Variants in POLDIP3 observed in about 807,000 individuals in gnomAD.
POLDIP3 encodes the protein DNA polymerase delta interacting protein 3, also known as polymerase delta-interacting protein 3.
Under a neutral mutation model 45.1 loss-of-function variants are expected in POLDIP3, and 14 were observed. The observed-to-expected ratio is 0.31, with a 90% CI of 0.20 to 0.49. POLDIP3 has a LOEUF of 0.49. Ranked by LOEUF, POLDIP3 falls within the 20% of genes least tolerant of loss-of-function variation. The pLI, the probability that POLDIP3 is intolerant of heterozygous loss-of-function variation, is 0.99. For synonymous variants in POLDIP3, 223 were observed against 205.2 expected (o/e 1.09, Z -0.74); for missense variants, 511 against 538.8 (o/e 0.95, Z 0.51).
chr22:42,614,825 C>G lies in POLDIP3; in HGVS notation c.33G>C (p.Arg11Ser). 6.2e-7 allele frequency: 1 copy of G among 1,614,108 alleles called. No individual in the cohort carries two copies. Residue 11 changes from arginine (R) to serine (S), a missense_variant, in exon 1 of 9, where the codon AGG (arginine) becomes AGC (serine). This residue lies in a region of POLDIP3 where 378 missense variants were observed against 352.3 expected (regional missense o/e 1.07). Coordinates refer to ENST00000252115, the MANE Select transcript of POLDIP3 (RefSeq NM_032311.5). Reference sequence around the variant, plus strand: ...GTCCTTTCGCCGCCGCCCCGCGCTTCCTGATGAGTTCGTCCAGGGAGATGT... The same window carrying G: ...GTCCTTTCGCCGCCGCCCCGCGCTTGCTGATGAGTTCGTCCAGGGAGATGT... MADISLDELI[R>S]KRGAAAKGRL...
In POLDIP3 at chr22:42,606,982, ACAC is replaced by A. The variant is rs141397018; in HGVS notation, c.60-3825_60-3823del. Reference sequence around the variant, plus strand: ...GAAAAAAACTTCTAAAAAATAAAAAACACCAGGAGCAGTAGCTCATGCCTGTAA... The same window carrying A: ...GAAAAAAACTTCTAAAAAATAAAAAACAGGAGCAGTAGCTCATGCCTGTAA... On this transcript the variant is annotated intron_variant, in intron 1 of 8. Transcript: ENST00000252115. 4.6e-3 allele frequency among the ~76,000 whole-genome samples: 696 copies of A among 152,318 alleles called. 6 individuals are homozygous for A. Among genetic ancestry groups the A allele is most frequent in the African/African-American group, 0.016 (654 of 41,576 alleles).
intron 1 of POLDIP3, among the ~76,000 whole-genome samples, chr22:42,606,687 T>C (rs1926750820): frequency 6.6e-6 from 1 of 152,216 alleles, no homozygotes; most frequent in African/African-American, 2.4e-5. Flanking sequence ...TGGAGTGCAG[T>C]GATCATAGCT....
chr22:42,587,433 G>C (rs1925380522), intron 8 of POLDIP3, 73 bp downstream of exon 8: 2 of 1,421,496 alleles, frequency 1.4e-6, no homozygotes, highest in South Asian at 2.3e-5. Flanking sequence ...CTGTGATGCA[G>C]GCAGTTTACC....
chr22:42,607,905 C>G (rs1199560126), intron 1 of POLDIP3, among the ~76,000 whole-genome samples: 1 of 149,434 alleles, frequency 6.7e-6, no homozygotes, highest in Non-Finnish European at 1.5e-5. Flanking sequence ...GGAGCGTCTC[C>G]GCCCGGCAGC....
Position 42,614,826 on chromosome 22 carries a change from CTGA to C in POLDIP3, c.29_31del (p.Ile10del). 6.2e-7 allele frequency: 1 copy of C among 1,614,082 alleles called. No homozygotes were observed. Among genetic ancestry groups the C allele is most frequent in the Non-Finnish European group, 8.5e-7 (1 of 1,179,960 alleles). On this transcript the variant is annotated inframe_deletion, in exon 1 of 9. Transcript: ENST00000252115. The stretch of plus-strand genomic sequence containing the variant: ...TCCTTTCGCCGCCGCCCCGCGCTTC[CTGA>C]TGAGTTCGTCCAGGGAGATGTCCGC...
intron 7 of POLDIP3, among the ~76,000 whole-genome samples, chr22:42,589,260 G>C (rs970360541): frequency 7.6e-5 from 11 of 145,264 alleles, no homozygotes; most frequent in Non-Finnish European, 1.2e-4. Flanking sequence ...AAAAAAAAAA[G>C]TGAACAAAGA....
intron 1 of POLDIP3, among the ~76,000 whole-genome samples, chr22:42,606,578 G>C (rs574631585): frequency 2.6e-5 from 4 of 152,266 alleles, no homozygotes; most frequent in African/African-American, 9.6e-5. Flanking sequence ...AGCCAGGATC[G>C]AGATACTGTC....
Position 42,585,836 on chromosome 22 carries a change from C to A in POLDIP3, c.1221G>T (p.Gly407=). 1 of 1,612,982 alleles carries A rather than the reference C, an allele frequency of 6.2e-7. No individual in the cohort carries two copies. Among genetic ancestry groups the A allele is most frequent in the Non-Finnish European group, 8.5e-7 (1 of 1,179,968 alleles). ...TILKALFKSS[G]ASVTTQPTEF... is the part of the protein sequence containing the mutation. ...CTGTGGGCTGCGTGGTCACAGAGGC[C>A]CCTGAGGACTTGAAGAGTGCCTTCA... Residue 407 remains glycine, a synonymous_variant, in exon 9 of 9, where the codon GGG becomes GGT. Coordinates refer to ENST00000252115, the MANE Select transcript of POLDIP3 (RefSeq NM_032311.5).
intron 3 of POLDIP3, 64 bp downstream of exon 3, chr22:42,601,906 G>A (rs1336793807): frequency 1.9e-6 from 3 of 1,554,294 alleles, no homozygotes; most frequent in Non-Finnish European, 2.6e-6. Flanking sequence ...CAAAACACGT[G>A]CACACCTACA....
chr22:42,597,609 A>G lies in POLDIP3; in HGVS notation c.634-1244T>C, dbSNP rs1290754380. The stretch of plus-strand genomic sequence containing the variant: ...CAACAGTACCCATCTCACAGGGTAC[A>G]AGACGCATGAGTATAAATATGGCAT... On this transcript the variant is annotated intron_variant, in intron 4 of 8. Transcript: ENST00000252115. 5.0e-5 allele frequency: 22 copies of G among 442,874 alleles called. No homozygotes were observed. The East Asian group carries it at 1.6e-3, about 31-fold the overall frequency. The allele number at this position is 442,874 out of a possible 1,614,324, so 27.4% of individuals were successfully genotyped here. A position where few individuals can be genotyped will look rare whatever the true frequency, so the allele number is the denominator to read the frequency against.
At chr22:42,591,903 A>G (rs1925688596) in intron 7 of POLDIP3, 52 bp downstream of exon 7, 2 of 1,610,206 alleles carry the variant, frequency 1.2e-6, no homozygotes, top group East Asian at 4.5e-5. Context: ...GCTACCTGAC[A>G]GCAAGTAGAG....
Position 42,585,020 on chromosome 22 carries a change from C to T in POLDIP3, c.*771G>A, listed in dbSNP as rs1478960015. The T allele has an allele frequency of 2.2e-6, 1 of 456,146 alleles. No homozygotes were observed. The allele number at this position is 456,146 out of a possible 1,614,324, so 28.3% of individuals were successfully genotyped here. Reference sequence around the variant, plus strand: ...GCGAGGTGAGAACCGGGAGGGCTCACAACACAGCCCCCTCCCAGCAAAGAC... The same window carrying T: ...GCGAGGTGAGAACCGGGAGGGCTCATAACACAGCCCCCTCCCAGCAAAGAC... On this transcript the variant is annotated 3_prime_UTR_variant, in exon 9 of 9. Coordinates refer to ENST00000252115, the MANE Select transcript of POLDIP3 (RefSeq NM_032311.5).
At position 42,590,347 on chromosome 22, in the gene POLDIP3, C is replaced by T. The variant is rs114294706; in HGVS notation, c.1021+1608G>A. On this transcript the variant is annotated intron_variant, in intron 7 of 8. Coordinates refer to ENST00000252115, the MANE Select transcript of POLDIP3 (RefSeq NM_032311.5). ...GGGACTACAGGCACACGCCACCACG[C>T]GCCCAGCTAATTTATTTTTTGAGAC... 7.6e-3 allele frequency among the ~76,000 whole-genome samples: 1,162 copies of T among 152,284 alleles called. 11 individuals carry two copies. Among genetic ancestry groups the T allele is most frequent in the African/African-American group, 0.027 (1,113 of 41,556 alleles).
chr22:42,585,144 G>T lies in POLDIP3; in HGVS notation c.*647C>A. 1 of 444,508 alleles carries T rather than the reference G, an allele frequency of 2.2e-6. No homozygotes were observed. The highest frequency in any genetic ancestry group is 4.5e-6 in the Non-Finnish European group (1 of 221,656). The allele number at this position is 444,508 out of a possible 1,614,324, so 27.5% of individuals were successfully genotyped here. A position where few individuals can be genotyped will look rare whatever the true frequency, so the allele number is the denominator to read the frequency against. On this transcript the variant is annotated 3_prime_UTR_variant, in exon 9 of 9. Transcript: ENST00000252115. ...AACTTCCTCTGGGTGGAGACGACAC[G>T]GGACTCCAAGCCAAGAGCTTAGATA...
intron 7 of POLDIP3, among the ~76,000 whole-genome samples, chr22:42,589,532 G>A (rs1569295725): frequency 6.6e-6 from 1 of 151,826 alleles, no homozygotes; most frequent in African/African-American, 2.4e-5. Flanking sequence ...AGATCTCGCC[G>A]GGTGCAGTGG....
At chr22:42,605,496 A>G (rs900740853) in intron 1 of POLDIP3, among the ~76,000 whole-genome samples, 2 of 152,248 alleles carry the variant, frequency 1.3e-5, no homozygotes, top group Admixed American at 1.3e-4. Flanking sequence ...TAAAACAGGC[A>G]GTGATGCATG....
chr22:42,604,881 T>C (rs939866729), intron 1 of POLDIP3, among the ~76,000 whole-genome samples: 2 of 152,190 alleles, frequency 1.3e-5, no homozygotes, highest in Non-Finnish European at 2.9e-5. Flanking sequence ...AATGTGATGG[T>C]GGTAGAAGGT....
At chr22:42,597,662 TAG>T in intron 4 of POLDIP3, 1 of 467,394 alleles carries the variant, frequency 2.1e-6, no homozygotes, top group Non-Finnish European at 4.4e-6. Context: ...CAAATAGGGA[TAG>T]AGACTCACTG....
chr22:42,594,887 C>A (rs763364281), intron 6 of POLDIP3, among the ~76,000 whole-genome samples: 16 of 152,156 alleles, frequency 1.1e-4, no homozygotes, highest in Admixed American at 3.9e-4. Flanking sequence ...TGGATACTGC[C>A]CAGTGGGACT....
Sources: gnomAD v4.1 joint callset for allele counts (sites outside exome capture counted in the v4.1 genomes callset) on GRCh38, gnomAD v4.1.1 for gene constraint, gnomAD v4.1.1 regional missense constraint, MANE v1.5 for transcripts, NCBI Gene and HGNC (gene_info 2026-07-23, HGNC 2026-07-21) for gene names.